Variants in FSD1L observed in about 807,000 individuals in gnomAD.
The protein encoded by FSD1L is FSD1-like protein.
In FSD1L, 45 loss-of-function variants were observed where a neutral mutation model predicts 71.6. The ratio of observed to expected loss-of-function variants is 0.63; its 90% CI spans 0.49 to 0.81. FSD1L has a LOEUF of 0.81. Among genes scored for constraint, FSD1L ranks in the 30% least tolerant of loss-of-function variants. FSD1L has a pLI of 0.00. For synonymous variants in FSD1L, 197 were observed against 207.2 expected (o/e 0.95, Z 0.42); for missense variants, 561 against 618.1 (o/e 0.91, Z 0.98).
intron 1 of FSD1L, among the ~76,000 whole-genome samples, chr9:105,452,353 G>A (rs113181079): frequency 0.016 from 2,380 of 152,274 alleles, 87 homozygotes; most frequent in African/African-American, 0.054. Context: ...GTGTCGGACT[G>A]TCACAACAGT....
At chr9:105,535,349 C>T in intron 12 of FSD1L, 31 bp downstream of exon 12, 1 of 1,548,342 alleles carries the variant, frequency 6.5e-7, no homozygotes, top group Non-Finnish European at 8.7e-7. Context: ...GTTATTTCAT[C>T]ATAGTTGCTT....
At chr9:105,521,901 C>T (rs184194376) in intron 10 of FSD1L, 4 of 1,612,344 alleles carry the variant, frequency 2.5e-6, no homozygotes, top group Non-Finnish European at 2.5e-6. Context: ...AATAAAAAAT[C>T]TTCTGGATGA....
intron 7 of FSD1L, among the ~76,000 whole-genome samples, chr9:105,500,402 G>A (rs561622324): frequency 2.6e-5 from 4 of 152,234 alleles, no homozygotes; most frequent in Admixed American, 6.5e-5. Context: ...TGGATTTTTC[G>A]GTGGAACAGG....
At chr9:105,442,211 C>T in the FSD1L span, among the ~76,000 whole-genome samples, 5 of 152,264 alleles carry the variant, frequency 3.3e-5, no homozygotes, top group African/African-American at 1.2e-4. Context: ...CAGGCCTTCT[C>T]CCAGGAAGAA....
intron 3 of FSD1L, among the ~76,000 whole-genome samples, chr9:105,467,746 T>C (rs1033856148): frequency 6.6e-6 from 1 of 152,226 alleles, no homozygotes; most frequent in Non-Finnish European, 1.5e-5. Context: ...CATTTCTGTA[T>C]GTGCAAAGTG....
intron 9 of FSD1L, among the ~76,000 whole-genome samples, chr9:105,510,249 C>T (rs1020821435): frequency 2.0e-5 from 3 of 152,082 alleles, no homozygotes; most frequent in South Asian, 2.1e-4. Context: ...AAACCCTCTG[C>T]GGTAGGAATA....
chr9:105,534,486 T>C lies in FSD1L; in HGVS notation c.1026-7T>C. 6.8e-7 allele frequency: 1 copy of C among 1,467,472 alleles called. No individual in the cohort carries two copies. The highest frequency in any genetic ancestry group is 9.3e-7 in the Non-Finnish European group (1 of 1,079,840). The allele number at this position is 1,467,472 out of a possible 1,614,324, so 90.9% of individuals were successfully genotyped here. A position where few individuals can be genotyped will look rare whatever the true frequency, so the allele number is the denominator to read the frequency against. ...TTTGTTTTTCTTTTTTCTTTTTGTT[T>C]ATATAGAAGTGGTACACCATCCCCA... On this transcript the variant is annotated splice_region_variant and splice_polypyrimidine_tract_variant and intron_variant, in intron 10 of 13. Transcript: ENST00000481272.
At position 105,535,089 on chromosome 9, in the gene FSD1L, A is replaced by G; in HGVS notation, c.1149A>G (p.Gly383=). 6.4e-7 allele frequency: 1 copy of G among 1,551,566 alleles called. No individual in the cohort carries two copies. Among genetic ancestry groups the G allele is most frequent in the Non-Finnish European group, 8.7e-7 (1 of 1,146,908 alleles). ...TVLGDTAIES[G]QHYWEVKAQK... ...TAGGAGACACTGCTATTGAAAGTGGACAACATTATTGGGAGGTCAAGGCCC... is the reference window on the plus strand; with the variant it reads ...TAGGAGACACTGCTATTGAAAGTGGGCAACATTATTGGGAGGTCAAGGCCC... The change falls in exon 12 of 14, where the codon GGA becomes GGG. Residue 383 remains glycine, a synonymous_variant. Transcript: ENST00000481272.
chr9:105,461,710 G>A, intron 2 of FSD1L, 95 bp downstream of exon 2: 1 of 718,068 alleles, frequency 1.4e-6, no homozygotes, highest in Non-Finnish European at 2.3e-6. Context: ...TTAAAAAACA[G>A]GAACATTAAA....
At position 105,512,913 on chromosome 9, in the gene FSD1L, T is replaced by A. The variant is rs1834480057; in HGVS notation, c.1002T>A (p.Ile334=). 5.2e-6 allele frequency: 8 copies of A among 1,537,706 alleles called. No individual in the cohort carries two copies. In the East Asian group the frequency reaches 1.7e-4, roughly 33 times the overall value. ...GAGGAAAAGGTCAAGAAAGTAAAAT[T>A]AAAGGAAAAGAGAACAAGGGCAGGT... ...PTGGKGQESK[I]KGKENKGRSG... Residue 334 remains isoleucine, a synonymous_variant, in exon 10 of 14, where the codon ATT becomes ATA. Transcript: ENST00000481272.
intron 10 of FSD1L, chr9:105,513,519 C>T: frequency 1.6e-6 from 2 of 1,240,522 alleles, no homozygotes; most frequent in Non-Finnish European, 2.2e-6. Flanking sequence ...CTCAGCAGGC[C>T]TTTAATCTGA....
chr9:105,484,238 A>C, intron 6 of FSD1L, 143 bp from the exon 7 acceptor site: 1 of 570,954 alleles, frequency 1.8e-6, no homozygotes, highest in African/African-American at 2.0e-5. Context: ...GAAGACTAAG[A>C]TTAAATTTCT....
intron 13 of FSD1L, among the ~76,000 whole-genome samples, chr9:105,542,916 C>G (rs1836724002): frequency 6.6e-6 from 1 of 151,960 alleles, no homozygotes; most frequent in Non-Finnish European, 1.5e-5. Flanking sequence ...AATTTTTTTC[C>G]CTATTATGGG....
At chr9:105,520,525 A>T in intron 10 of FSD1L, 1 of 1,179,328 alleles carries the variant, frequency 8.5e-7, no homozygotes, top group Non-Finnish European at 1.3e-6. Context: ...TTTTGAGAAA[A>T]TTTTACAACT....
chr9:105,508,762 T>G lies in FSD1L; in HGVS notation c.895+47T>G, dbSNP rs1439532160. ...ACAGCATAAAACAAAGCTTAACATC[T>G]GAAGTTATTCATAACTTTGTAACAG... is the stretch of plus-strand genomic sequence containing the variant. On this transcript the variant is annotated intron_variant, in intron 9 of 13. Coordinates refer to ENST00000481272, the MANE Select transcript of FSD1L (RefSeq NM_001145313.3). The G allele has an allele frequency of 2.6e-6, 3 of 1,133,412 alleles. No individual in the cohort carries two copies. The African/African-American group carries it at 4.8e-5, about 18-fold the overall frequency. 70.2% of individuals were successfully genotyped at this position (1,133,412 alleles called of 1,614,324 possible).
At chr9:105,528,097 A>G (rs1835641214) in intron 10 of FSD1L, among the ~76,000 whole-genome samples, 1 of 152,180 alleles carries the variant, frequency 6.6e-6, no homozygotes, top group Non-Finnish European at 1.5e-5. Flanking sequence ...TGTGAAGGAC[A>G]TCTTCAAGGA....
chr9:105,477,660 CTT>C (rs1227609424), intron 5 of FSD1L, among the ~76,000 whole-genome samples: 1 of 152,064 alleles, frequency 6.6e-6, no homozygotes, highest in Non-Finnish European at 1.5e-5. Context: ...TCTTTCCTTC[CTT>C]TAACACTTAC....
chr9:105,503,285 A>G (rs535831097), intron 7 of FSD1L, among the ~76,000 whole-genome samples: 28 of 152,270 alleles, frequency 1.8e-4, no homozygotes, highest in African/African-American at 6.5e-4. Flanking sequence ...GATGGAATCA[A>G]ATTAACTTAT....
chr9:105,495,473 C>T (rs577949736), intron 7 of FSD1L, among the ~76,000 whole-genome samples: 1 of 152,210 alleles, frequency 6.6e-6, no homozygotes. Flanking sequence ...AATGCCTCGC[C>T]CTGCTTCGGC....
Sources: allele counts gnomAD v4.1 joint callset (sites outside exome capture counted in the v4.1 genomes callset), GRCh38; gene constraint gnomAD v4.1.1; transcripts MANE v1.5; gene names NCBI Gene and HGNC (gene_info 2026-07-23, HGNC 2026-07-21).